Variants in MGAT5 observed in about 807,000 individuals in gnomAD.
MGAT5 encodes the protein alpha-1,6-mannosylglycoprotein 6-beta-N-acetylglucosaminyltransferase.
MGAT5 carries 30 observed loss-of-function variants against 94.3 expected under a neutral mutation model. The observed-to-expected ratio is 0.32, with a 90% CI of 0.24 to 0.43. The LOEUF (loss-of-function observed/expected upper bound fraction) is 0.43, where lower values mean the gene tolerates loss of function less well. MGAT5 is among the 20% of genes least tolerant of loss of function. The probability of loss-of-function intolerance (pLI) is 1.00; values close to 1 mark genes in which losing one functional copy is unlikely to be tolerated. For missense variants in MGAT5, 691 were observed against 905.5 expected, an observed-to-expected ratio of 0.76 and a Z score of 3.04; for synonymous variants, 310 against 322.9, an observed-to-expected ratio of 0.96 and a Z score of 0.43.
At chr2:134,315,839 G>C (rs1686967335) in intron 2 of MGAT5, among the ~76,000 whole-genome samples, 1 of 152,168 alleles carries the variant, frequency 6.6e-6, no homozygotes. Context: ...TTATGCTCTA[G>C]TTATTCTTAG....
At chr2:134,221,016 T>C (rs1439687963) in intron 1 of MGAT5, among the ~76,000 whole-genome samples, 2 of 152,204 alleles carry the variant, frequency 1.3e-5, no homozygotes, top group Non-Finnish European at 2.9e-5. Flanking sequence ...CCTGCAGTTT[T>C]TTGTGGATAA....
chr2:134,318,583 G>T, intron 3 of MGAT5, 67 bp from the exon 4 acceptor site: 3 of 1,166,142 alleles, frequency 2.6e-6, no homozygotes, highest in Non-Finnish European at 3.9e-6. Flanking sequence ...TTCTATCCTC[G>T]CCTTCCCTGT....
At position 134,387,130 on chromosome 2, in the gene MGAT5, A is replaced by G. The variant is rs375815730; in HGVS notation, c.1381-15858A>G. ...TACAAAATTAGCTGGGCATGGTGGC[A>G]CATGCCTGTAATCCCAGCTACTCGG... On this transcript the variant is annotated intron_variant, in intron 10 of 15. Transcript: ENST00000281923. Among the ~76,000 whole-genome samples, 3 of 151,314 alleles carry G rather than the reference A, an allele frequency of 2.0e-5. No individual in the cohort carries two copies. The East Asian group carries it at 5.8e-4, about 29-fold the overall frequency.
intron 2 of MGAT5, among the ~76,000 whole-genome samples, chr2:134,307,332 T>C (rs779914229): frequency 2.0e-4 from 31 of 152,174 alleles, no homozygotes; most frequent in Non-Finnish European, 3.7e-4. Context: ...TAAACTCTAT[T>C]CAACTGTAAA....
At chr2:134,281,426 A>G (rs2105718207) in intron 2 of MGAT5, among the ~76,000 whole-genome samples, 1 of 152,328 alleles carries the variant, frequency 6.6e-6, no homozygotes, top group South Asian at 2.1e-4. Context: ...ACCGGAGGAG[A>G]ATGACTGAAA....
intron 2 of MGAT5, among the ~76,000 whole-genome samples, chr2:134,309,391 A>C (rs1686517168): frequency 6.6e-6 from 1 of 152,230 alleles, no homozygotes; most frequent in Admixed American, 6.5e-5. Context: ...AAGGACTGCT[A>C]GACTGTTTTC....
intron 10 of MGAT5, among the ~76,000 whole-genome samples, chr2:134,362,736 T>C (rs1440805101): frequency 6.6e-6 from 1 of 152,236 alleles, no homozygotes; most frequent in African/African-American, 2.4e-5. Flanking sequence ...TGGAGCAAGA[T>C]ACTGCACAGG....
chr2:134,225,279 G>T (rs1186947834), intron 1 of MGAT5, among the ~76,000 whole-genome samples: 2 of 152,034 alleles, frequency 1.3e-5, no homozygotes, highest in Non-Finnish European at 2.9e-5. Context: ...CCAAAAACTG[G>T]CAGTTTCAGC....
intron 1 of MGAT5, among the ~76,000 whole-genome samples, chr2:134,148,533 A>G (rs1687027004): frequency 1.3e-5 from 2 of 152,228 alleles, no homozygotes; most frequent in Admixed American, 6.5e-5. Flanking sequence ...AGAAAATTCA[A>G]ACTGTGCAGG....
intron 4 of MGAT5, among the ~76,000 whole-genome samples, chr2:134,329,036 A>G (rs144020927): frequency 3.9e-4 from 60 of 152,228 alleles, no homozygotes; most frequent in Admixed American, 1.8e-3. Flanking sequence ...TTTTTCAAAT[A>G]TAAGTATGTG....
intron 4 of MGAT5, chr2:134,319,763 G>A: frequency 2.4e-6 from 1 of 421,542 alleles, no homozygotes; most frequent in Admixed American, 2.6e-5. Context: ...GCTATTTTTG[G>A]AATTCTCCCA....
chr2:134,141,753 G>T (rs965702622), intron 1 of MGAT5, among the ~76,000 whole-genome samples: 1 of 152,214 alleles, frequency 6.6e-6, no homozygotes, highest in Non-Finnish European at 1.5e-5. Flanking sequence ...GCCAGCAGGG[G>T]CCATGTGGTT....
intron 1 of MGAT5, among the ~76,000 whole-genome samples, chr2:134,191,012 T>A: frequency 6.6e-6 from 1 of 152,330 alleles, no homozygotes; most frequent in East Asian, 1.9e-4. Flanking sequence ...GGTCTCCAAT[T>A]CCTGGGCTCA....
intron 1 of MGAT5, among the ~76,000 whole-genome samples, chr2:134,263,265 A>G (rs1683457182): frequency 6.6e-6 from 1 of 152,248 alleles, no homozygotes; most frequent in South Asian, 2.1e-4. Flanking sequence ...AATTCAAAGA[A>G]TAGCTTAAGA....
intron 12 of MGAT5, among the ~76,000 whole-genome samples, chr2:134,414,620 T>G (rs2106336045): frequency 6.6e-6 from 1 of 152,302 alleles, no homozygotes; most frequent in South Asian, 2.1e-4. Flanking sequence ...TTTTTCATGG[T>G]AAAAACACTT....
chr2:134,235,242 C>A (rs1681574671), intron 1 of MGAT5, among the ~76,000 whole-genome samples: 1 of 152,140 alleles, frequency 6.6e-6, no homozygotes, highest in African/African-American at 2.4e-5. Context: ...CAGTACCCTT[C>A]TACCCACTTA....
chr2:134,354,328 G>A (rs1679585525), intron 9 of MGAT5, among the ~76,000 whole-genome samples: 1 of 152,142 alleles, frequency 6.6e-6, no homozygotes, highest in South Asian at 2.1e-4. Flanking sequence ...AAGTCTTCAG[G>A]ACTAGCTGCC....
intron 2 of MGAT5, among the ~76,000 whole-genome samples, chr2:134,301,519 T>A (rs1686017284): frequency 6.6e-6 from 1 of 152,200 alleles, no homozygotes; most frequent in South Asian, 2.1e-4. Flanking sequence ...ATCTTATTCA[T>A]CTTTTTAAAG....
intron 1 of MGAT5, among the ~76,000 whole-genome samples, chr2:134,128,244 T>G (rs747802826): frequency 9.7e-5 from 14 of 144,614 alleles, no homozygotes; most frequent in South Asian, 2.2e-4. Flanking sequence ...AAGGAGAGAA[T>G]GAAAGAAAAG....
Sources: allele counts gnomAD v4.1 joint callset (sites outside exome capture counted in the v4.1 genomes callset), GRCh38; gene constraint gnomAD v4.1.1; transcripts MANE v1.5; gene names NCBI Gene and HGNC (gene_info 2026-07-23, HGNC 2026-07-21).